Variants in GNAO1 observed in about 807,000 individuals in gnomAD.
GNAO1 encodes the protein guanine nucleotide-binding protein G(o) subunit alpha.
For synonymous variants in GNAO1, 164 were observed against 180.7 expected (o/e 0.91, Z 0.74); for missense variants, 166 against 478.7 (o/e 0.35, Z 6.10).
chr16:56,341,255 C>T (rs1162787518), intron 6 of GNAO1, among the ~76,000 whole-genome samples: 1 of 152,208 alleles, frequency 6.6e-6, no homozygotes, highest in Non-Finnish European at 1.5e-5. Flanking sequence ...GCTCCACTGT[C>T]TGCGCACAGG....
At chr16:56,206,700 C>T (rs2036333061) in intron 2 of GNAO1, among the ~76,000 whole-genome samples, 1 of 152,116 alleles carries the variant, frequency 6.6e-6, no homozygotes, top group Admixed American at 6.5e-5. Flanking sequence ...TTCAATAAAC[C>T]TGACTTACAA....
At chr16:56,194,818 C>T (rs927188881) in intron 2 of GNAO1, among the ~76,000 whole-genome samples, 3 of 152,200 alleles carry the variant, frequency 2.0e-5, no homozygotes, top group Non-Finnish European at 4.4e-5. Flanking sequence ...ACTGAATCCC[C>T]CAAAGGGGTG....
At chr16:56,297,480 C>T (rs1331028576) in intron 3 of GNAO1, among the ~76,000 whole-genome samples, 1 of 150,822 alleles carries the variant, frequency 6.6e-6, no homozygotes, top group East Asian at 1.9e-4. Context: ...AGCCACCCAC[C>T]CGGTGGATGA....
intron 2 of GNAO1, among the ~76,000 whole-genome samples, chr16:56,241,921 G>A (rs2036697625): frequency 6.6e-6 from 1 of 152,260 alleles, no homozygotes; most frequent in African/African-American, 2.4e-5. Context: ...GCTGCAATGG[G>A]AAGCTACACT....
chr16:56,242,832 C>A (rs1596816989), intron 2 of GNAO1, among the ~76,000 whole-genome samples: 1 of 152,176 alleles, frequency 6.6e-6, no homozygotes, highest in African/African-American at 2.4e-5. Context: ...TGCTTTAGAG[C>A]AGTGGTCCCC....
intron 3 of GNAO1, among the ~76,000 whole-genome samples, chr16:56,300,036 T>TGTGTGTGTGTGTGCGC (rs753591618): frequency 1.1e-4 from 10 of 95,174 alleles, no homozygotes; most frequent in Middle Eastern, 4.9e-3. Context: ...TGTGTGTGTG[T>TGTGTGTGTGTGTGCGC]GCGCGCGCGC....
chr16:56,314,564 G>C (rs1437585433), intron 3 of GNAO1, among the ~76,000 whole-genome samples: 1 of 152,102 alleles, frequency 6.6e-6, no homozygotes, highest in Non-Finnish European at 1.5e-5. Context: ...CTTCACCAAC[G>C]ACATTCTTCA....
At chr16:56,198,295 T>A (rs1474880591) in intron 2 of GNAO1, among the ~76,000 whole-genome samples, 1 of 152,252 alleles carries the variant, frequency 6.6e-6, no homozygotes, top group South Asian at 2.1e-4. Flanking sequence ...CAAATCTGTG[T>A]CACATTCTTA....
chr16:56,238,513 A>T (rs1567450272), intron 2 of GNAO1, among the ~76,000 whole-genome samples: 1 of 152,210 alleles, frequency 6.6e-6, no homozygotes, highest in Non-Finnish European at 1.5e-5. Flanking sequence ...TTTCATGTTA[A>T]TAATGTCAAC....
At chr16:56,212,328 G>T (rs2143335996) in intron 2 of GNAO1, among the ~76,000 whole-genome samples, 1 of 152,244 alleles carries the variant, frequency 6.6e-6, no homozygotes, top group East Asian at 1.9e-4. Context: ...CTAAAAATTG[G>T]TGCTCCTAAG....
intron 2 of GNAO1, among the ~76,000 whole-genome samples, chr16:56,212,504 T>G (rs2036398955): frequency 1.3e-5 from 2 of 152,182 alleles, no homozygotes; most frequent in African/African-American, 4.8e-5. Flanking sequence ...TCCCCTTCTC[T>G]TGTTCTGCTC....
At chr16:56,315,068 TG>T (rs1229956879) in intron 3 of GNAO1, among the ~76,000 whole-genome samples, 2 of 152,174 alleles carry the variant, frequency 1.3e-5, no homozygotes, top group African/African-American at 2.4e-5. Context: ...GGGGAAAGGA[TG>T]AGGAGGCAAG....
intron 2 of GNAO1, among the ~76,000 whole-genome samples, chr16:56,216,244 A>G (rs1244866042): frequency 1.3e-5 from 2 of 152,252 alleles, no homozygotes; most frequent in Non-Finnish European, 2.9e-5. Context: ...GGTAAATAAT[A>G]TCTCCATTTT....
At position 56,328,732 on chromosome 16, in the gene GNAO1, A is replaced by C; in HGVS notation, c.405A>C (p.Ser135=). Reference sequence around the variant, plus strand: ...CCATGATGCGGCTCTGGGGCGACTCAGGAATCCAAGAGTGCTTCAACCGGT... The same window carrying C: ...CCATGATGCGGCTCTGGGGCGACTCCGGAATCCAAGAGTGCTTCAACCGGT... ...LSAMMRLWGD[S]GIQECFNRSR... is the part of the protein sequence containing the mutation. The change falls in exon 4 of 9, where the codon TCA becomes TCC. Residue 135 remains serine (S), a synonymous_variant. Coordinates refer to ENST00000262493, the MANE Select transcript of GNAO1 (RefSeq NM_020988.3). 1 of 1,614,242 alleles carries C rather than the reference A, an allele frequency of 6.2e-7. No homozygotes were observed. The highest frequency in any genetic ancestry group is 8.5e-7 in the Non-Finnish European group (1 of 1,180,044).
At chr16:56,221,717 C>G (rs1392818286) in intron 2 of GNAO1, among the ~76,000 whole-genome samples, 2 of 148,206 alleles carry the variant, frequency 1.3e-5, no homozygotes, top group Non-Finnish European at 3.0e-5. Flanking sequence ...TAGTCTTGTT[C>G]TTGAGAACAG....
At chr16:56,281,395 G>A (rs1276268597) in intron 3 of GNAO1, among the ~76,000 whole-genome samples, 2 of 151,938 alleles carry the variant, frequency 1.3e-5, no homozygotes, top group Non-Finnish European at 2.9e-5. Flanking sequence ...TACCCCCCTG[G>A]GTTCTCCATG....
chr16:56,280,592 A>G (rs1229926778), intron 3 of GNAO1, among the ~76,000 whole-genome samples: 8 of 151,844 alleles, frequency 5.3e-5, no homozygotes, highest in Non-Finnish European at 8.8e-5. Flanking sequence ...AGGGAGGGGG[A>G]TGGCAGGGGG....
chr16:56,238,985 C>T (rs141013863), intron 2 of GNAO1, among the ~76,000 whole-genome samples: 5 of 152,218 alleles, frequency 3.3e-5, no homozygotes, highest in Non-Finnish European at 7.3e-5. Flanking sequence ...CCCATATCTA[C>T]ATATATGATT....
At chr16:56,207,798 T>C (rs1324435691) in intron 2 of GNAO1, among the ~76,000 whole-genome samples, 1 of 152,194 alleles carries the variant, frequency 6.6e-6, no homozygotes, top group Non-Finnish European at 1.5e-5. Flanking sequence ...ACACTGTCTT[T>C]AAAAGAAACA....
Sources: allele counts gnomAD v4.1 joint callset (sites outside exome capture counted in the v4.1 genomes callset), GRCh38; gene constraint gnomAD v4.1.1; transcripts MANE v1.5; gene names NCBI Gene and HGNC (gene_info 2026-07-23, HGNC 2026-07-21).